Variants in SLC9A9 observed in about 807,000 individuals in gnomAD.
SLC9A9 encodes the protein sodium/hydrogen exchanger 9.
In SLC9A9, 62 loss-of-function variants were observed where a neutral mutation model predicts 77.8. That is an observed-to-expected ratio of 0.80 (90% CI 0.65 to 0.98). SLC9A9 has a LOEUF of 0.98. SLC9A9 is among the 50% of genes least tolerant of loss of function. The pLI, the probability that SLC9A9 is intolerant of heterozygous loss-of-function variation, is 0.00. For synonymous variants in SLC9A9, 320 were observed against 283.5 expected (o/e 1.13, Z -1.29); for missense variants, 775 against 774.9 (o/e 1.00, Z 0.00).
At chr3:143,729,915 G>C (rs1285147702) in intron 4 of SLC9A9, among the ~76,000 whole-genome samples, 1 of 151,986 alleles carries the variant, frequency 6.6e-6, no homozygotes, top group African/African-American at 2.4e-5. Context: ...ATTTAACCTG[G>C]GTAAATATGT....
chr3:143,409,926 G>A (rs2034060162), intron 12 of SLC9A9, among the ~76,000 whole-genome samples: 1 of 152,202 alleles, frequency 6.6e-6, no homozygotes, highest in African/African-American at 2.4e-5. Flanking sequence ...TTGAGCTGAA[G>A]TGCTACAGTT....
At chr3:143,735,745 C>T (rs1355741544) in intron 4 of SLC9A9, among the ~76,000 whole-genome samples, 1 of 152,176 alleles carries the variant, frequency 6.6e-6, no homozygotes, top group East Asian at 1.9e-4. Context: ...TGAGTGGATG[C>T]CTCATAAATA....
chr3:143,498,679 T>TA (rs201830375), intron 9 of SLC9A9, among the ~76,000 whole-genome samples: 20 of 150,822 alleles, frequency 1.3e-4, no homozygotes, highest in African/African-American at 1.9e-4. Context: ...ATTTAAGATT[T>TA]AAAAAAAAAA....
At chr3:143,400,137 TG>T (rs1343568776) in intron 12 of SLC9A9, among the ~76,000 whole-genome samples, 1 of 152,104 alleles carries the variant, frequency 6.6e-6, no homozygotes, top group Non-Finnish European at 1.5e-5. Context: ...AACGTGCAGC[TG>T]GAATAAATGG....
intron 14 of SLC9A9, among the ~76,000 whole-genome samples, chr3:143,287,101 T>TTGTGTGTGTGTG (rs3032423): frequency 4.0e-5 from 6 of 149,256 alleles, no homozygotes; most frequent in African/African-American, 1.5e-4. Context: ...CTGGTCCCAC[T>TTGTGTGTGTGTG]TGTGTGTGTG....
chr3:143,496,761 T>C (rs530637780), intron 9 of SLC9A9, among the ~76,000 whole-genome samples: 1 of 152,348 alleles, frequency 6.6e-6, no homozygotes, highest in East Asian at 1.9e-4. Flanking sequence ...ATCTTTACTT[T>C]TTCAAAAAGT....
intron 11 of SLC9A9, among the ~76,000 whole-genome samples, chr3:143,484,559 G>C (rs1166366153): frequency 6.6e-6 from 1 of 152,212 alleles, no homozygotes; most frequent in Admixed American, 6.5e-5. Context: ...AATGGGTGCA[G>C]AGAAGATCCT....
intron 14 of SLC9A9, among the ~76,000 whole-genome samples, chr3:143,279,209 G>A (rs1218735577): frequency 6.6e-6 from 1 of 152,118 alleles, no homozygotes; most frequent in Non-Finnish European, 1.5e-5. Context: ...GTTTTTCCCT[G>A]AAGGTTTGCT....
At chr3:143,364,793 A>G (rs2032854543) in intron 13 of SLC9A9, among the ~76,000 whole-genome samples, 1 of 152,208 alleles carries the variant, frequency 6.6e-6, no homozygotes, top group South Asian at 2.1e-4. Flanking sequence ...CAATGAAATT[A>G]AAACCCAAAC....
intron 4 of SLC9A9, among the ~76,000 whole-genome samples, chr3:143,774,669 G>T (rs1251691593): frequency 6.6e-6 from 1 of 150,636 alleles, no homozygotes; most frequent in African/African-American, 2.5e-5. Flanking sequence ...AAGGAAAAAA[G>T]TAAGATGATG....
Position 143,266,159 on chromosome 3 carries a change from T to C in SLC9A9, c.*543A>G. 1.4e-6 allele frequency: 1 copy of C among 701,306 alleles called. No homozygotes were observed. Among genetic ancestry groups the C allele is most frequent in the Non-Finnish European group, 2.6e-6 (1 of 384,522 alleles). The allele number at this position is 701,306 out of a possible 1,614,324, so 43.4% of individuals were successfully genotyped here. On this transcript the variant is annotated 3_prime_UTR_variant, in exon 16 of 16. Transcript: ENST00000316549. ...GTGGGCTCTGGGAAACCATCAGCAG[T>C]GGGTACGGAACACTTCTCTGGGCTC...
At chr3:143,406,173 CTT>C (rs2033974791) in intron 12 of SLC9A9, among the ~76,000 whole-genome samples, 1 of 152,110 alleles carries the variant, frequency 6.6e-6, no homozygotes. Flanking sequence ...TGGGGTTTCT[CTT>C]TTGAGTAGTT....
chr3:143,522,139 C>G (rs1236220812), intron 9 of SLC9A9, among the ~76,000 whole-genome samples: 2 of 152,142 alleles, frequency 1.3e-5, no homozygotes, highest in African/African-American at 4.8e-5. Context: ...ACTTAAACCA[C>G]AAACCTCATA....
intron 12 of SLC9A9, among the ~76,000 whole-genome samples, chr3:143,438,361 G>C (rs2034664883): frequency 6.6e-6 from 1 of 152,222 alleles, no homozygotes; most frequent in Non-Finnish European, 1.5e-5. Context: ...GGAGTTGGCA[G>C]TGCCCAGAGT....
At chr3:143,815,387 C>T (rs2108875676) in intron 2 of SLC9A9, among the ~76,000 whole-genome samples, 1 of 152,232 alleles carries the variant, frequency 6.6e-6, no homozygotes. Context: ...GGAGAAGCTG[C>T]CTTAGAGGCC....
At chr3:143,434,181 G>A (rs564632491) in intron 12 of SLC9A9, among the ~76,000 whole-genome samples, 25 of 152,280 alleles carry the variant, frequency 1.6e-4, no homozygotes, top group Admixed American at 2.0e-4. Flanking sequence ...AAGGTGGCTC[G>A]TGAACTAAAG....
chr3:143,410,063 T>C (rs995908087), intron 12 of SLC9A9, among the ~76,000 whole-genome samples: 1 of 152,222 alleles, frequency 6.6e-6, no homozygotes, highest in Non-Finnish European at 1.5e-5. Flanking sequence ...TTTGAAGAAA[T>C]GCGGACTTTG....
At chr3:143,363,454 A>G in intron 14 of SLC9A9, 30 bp downstream of exon 14, 1 of 1,595,430 alleles carries the variant, frequency 6.3e-7, no homozygotes, top group Non-Finnish European at 8.6e-7. Flanking sequence ...CTGCAGCAGG[A>G]TCTGTGAGAT....
intron 2 of SLC9A9, among the ~76,000 whole-genome samples, chr3:143,821,054 C>A (rs1400605960): frequency 6.6e-6 from 1 of 152,170 alleles, no homozygotes; most frequent in African/African-American, 2.4e-5. Context: ...GGACCACAGT[C>A]ACAGCAGGCA....
Sources: allele counts gnomAD v4.1 joint callset (sites outside exome capture counted in the v4.1 genomes callset), GRCh38; gene constraint gnomAD v4.1.1; transcripts MANE v1.5; gene names NCBI Gene and HGNC (gene_info 2026-07-23, HGNC 2026-07-21).